Variants in AR observed in about 807,000 individuals in gnomAD.
The protein encoded by AR is dihydrotestosterone receptor.
AR carries 8 observed loss-of-function variants against 53.9 expected under a neutral mutation model. That is an observed-to-expected ratio of 0.15 (90% CI 0.09 to 0.27). The LOEUF is 0.27. AR is among the 10% of genes least tolerant of loss of function. The pLI is 1.00. For missense variants in AR, 639 were observed against 742.5 expected, an observed-to-expected ratio of 0.86 and a Z score of 1.62; for synonymous variants, 359 against 316.4, an observed-to-expected ratio of 1.13 and a Z score of -1.43.
intron 1 of AR, among the ~76,000 whole-genome samples, chrX:67,586,730 T>C (rs190070224): frequency 1.6e-3 from 184 of 111,853 alleles, no homozygotes; most frequent in Admixed American, 0.016. Flanking sequence ...TATTTAGGTA[T>C]TATGGAAGTT....
At chrX:67,715,884 GA>G (rs1254274875) in intron 4 of AR, among the ~76,000 whole-genome samples, 1 of 111,833 alleles carries the variant, frequency 8.9e-6, no homozygotes, top group Non-Finnish European at 1.9e-5. Flanking sequence ...TTGGTGAGAA[GA>G]GAGAGTGTTG....
intron 1 of AR, among the ~76,000 whole-genome samples, chrX:67,606,211 A>T (rs1271623614): frequency 1.8e-5 from 2 of 111,464 alleles, no homozygotes; most frequent in Non-Finnish European, 3.8e-5. Context: ...ATGCTAGTAC[A>T]TTGAGTTTAA....
At position 67,644,624 on chromosome X, in the gene AR, G is replaced by T. The variant is rs1394293219; in HGVS notation, c.1768+1217G>T. 5.4e-5 allele frequency among the ~76,000 whole-genome samples: 6 copies of T among 111,768 alleles called. No homozygotes were observed. In the East Asian group the frequency reaches 1.7e-3, roughly 32 times the overall value. On this transcript the variant is annotated intron_variant, in intron 2 of 7. Transcript: ENST00000374690. ...GGTAGAAAGAGAATGCCCTTTAACT[G>T]ACCTCCTCAGTGATAGCCAATCACA...
intron 1 of AR, among the ~76,000 whole-genome samples, chrX:67,638,541 T>C (rs1227829083): frequency 1.8e-5 from 2 of 112,097 alleles, no homozygotes; most frequent in Admixed American, 1.9e-4. Flanking sequence ...TGGTATTTCA[T>C]TGTGGTTTTG....
intron 2 of AR, among the ~76,000 whole-genome samples, chrX:67,661,983 G>T (rs1397181802): frequency 1.8e-5 from 2 of 111,883 alleles, no homozygotes; most frequent in Admixed American, 9.5e-5. Flanking sequence ...TTGCATACAG[G>T]TGTTTATAGT....
intron 3 of AR, among the ~76,000 whole-genome samples, chrX:67,706,775 G>T (rs1177141833): frequency 9.0e-6 from 1 of 111,711 alleles, no homozygotes; most frequent in East Asian, 2.8e-4. Flanking sequence ...GCTTTCTCTT[G>T]TGGGAATTTG....
chrX:67,695,629 TAGTGGAGA>T (rs2076016078), intron 3 of AR: 4 of 751,262 alleles, frequency 5.3e-6, no homozygotes, highest in Non-Finnish European at 6.3e-6. Context: ...AGTTTCTTTC[TAGTGGAGA>T]AGTGGAGTCT....
At chrX:67,552,616 A>G (rs1602149884) in intron 1 of AR, among the ~76,000 whole-genome samples, 1 of 112,461 alleles carries the variant, frequency 8.9e-6, no homozygotes, top group East Asian at 2.8e-4. Flanking sequence ...AAGAACTGTC[A>G]AACTGTTTTC....
chrX:67,700,566 C>T (rs1421092546), intron 3 of AR, among the ~76,000 whole-genome samples: 2 of 111,609 alleles, frequency 1.8e-5, no homozygotes, highest in African/African-American at 6.5e-5. Flanking sequence ...GCCAGAACAC[C>T]TGGTGCAGCT....
At chrX:67,702,798 T>C (rs774648483) in intron 3 of AR, among the ~76,000 whole-genome samples, 4 of 112,445 alleles carry the variant, frequency 3.6e-5, no homozygotes, top group Admixed American at 1.9e-4. Flanking sequence ...AAAAGTCAGT[T>C]CCAGGCTGGG....
intron 1 of AR, among the ~76,000 whole-genome samples, chrX:67,621,726 T>C (rs1402451461): frequency 9.0e-6 from 1 of 111,674 alleles, no homozygotes; most frequent in Non-Finnish European, 1.9e-5. Context: ...CCATGGTGTA[T>C]TGAACTGCTC....
intron 1 of AR, among the ~76,000 whole-genome samples, chrX:67,590,616 A>C (rs1470281086): frequency 8.9e-6 from 1 of 112,187 alleles, no homozygotes; most frequent in Non-Finnish European, 1.9e-5. Flanking sequence ...CTATTATCTC[A>C]ACTCTTCTAT....
intron 1 of AR, among the ~76,000 whole-genome samples, chrX:67,549,086 T>A (rs1252410269): frequency 8.9e-6 from 1 of 112,583 alleles, no homozygotes; most frequent in African/African-American, 3.2e-5. Context: ...TTCTTTCTTT[T>A]TATTGAAAAT....
chrX:67,649,636 G>A (rs1234940007), intron 2 of AR, among the ~76,000 whole-genome samples: 1 of 112,533 alleles, frequency 8.9e-6, no homozygotes, highest in Non-Finnish European at 1.9e-5. Context: ...GTGATGATAA[G>A]CTTTTTTTCA....
chrX:67,562,832 G>T (rs994665669), intron 1 of AR, among the ~76,000 whole-genome samples: 1 of 111,511 alleles, frequency 9.0e-6, no homozygotes, highest in African/African-American at 3.3e-5. Context: ...TGAGCCTCTA[G>T]ATCTTCATTA....
intron 3 of AR, among the ~76,000 whole-genome samples, chrX:67,700,003 G>A (rs1004393362): frequency 1.8e-5 from 2 of 111,178 alleles, no homozygotes; most frequent in African/African-American, 6.6e-5. Context: ...GCTATAGATA[G>A]CTCCCACAGG....
chrX:67,627,345 T>A (rs1404493422), intron 1 of AR, among the ~76,000 whole-genome samples: 1 of 112,150 alleles, frequency 8.9e-6, no homozygotes, highest in Non-Finnish European at 1.9e-5. Context: ...AGATGATATC[T>A]CATTGTGGTT....
intron 3 of AR, chrX:67,689,600 T>C: frequency 1.0e-6 from 1 of 965,445 alleles, no homozygotes; most frequent in Non-Finnish European, 1.3e-6. Flanking sequence ...GTTTGGAGTC[T>C]CAGAATGGCT....
intron 1 of AR, among the ~76,000 whole-genome samples, chrX:67,582,065 G>A (rs1922322735): frequency 8.9e-6 from 1 of 111,785 alleles, no homozygotes. Flanking sequence ...ATTTAAGTCA[G>A]TGGCAAGATC....
Sources: allele counts gnomAD v4.1 joint callset (sites outside exome capture counted in the v4.1 genomes callset), GRCh38; gene constraint gnomAD v4.1.1; transcripts MANE v1.5; gene names NCBI Gene and HGNC (gene_info 2026-07-23, HGNC 2026-07-21).